The following TMEM65 variants were observed in gnomAD, a reference collection of about 807,000 sequenced individuals.
The protein encoded by TMEM65 is transmembrane protein 65.
TMEM65 carries 22 observed loss-of-function variants against 25.4 expected under a neutral mutation model. That is an observed-to-expected ratio of 0.86 (90% confidence interval 0.62 to 1.23). The LOEUF (loss-of-function observed/expected upper bound fraction) is 1.23. Ranked by LOEUF, TMEM65 falls within the 50% of genes most tolerant of loss-of-function variation. TMEM65 has a pLI of 0.00. For synonymous variants in TMEM65, 132 were observed against 126.2 expected, an observed-to-expected ratio of 1.05 and a Z score of -0.31; for missense variants, 262 against 308.2, an observed-to-expected ratio of 0.85 and a Z score of 1.12.
chr8:124,323,296 A>G lies in TMEM65; in HGVS notation c.472+25T>C, dbSNP rs754405693. 3.1e-6 allele frequency: 4 copies of G among 1,296,390 alleles called. No homozygotes were observed. In the South Asian group the frequency reaches 5.3e-5, roughly 17 times the overall value. The allele number at this position is 1,296,390 out of a possible 1,614,324, so 80.3% of individuals were successfully genotyped here. ...ATGTTTTATAAGTGTACAATGAAAT[A>G]ATAACATTTACTACTGTTAAATACC... is the stretch of plus-strand genomic sequence containing the variant. On this transcript the variant is annotated intron_variant, in intron 4 of 6. Coordinates refer to ENST00000297632, the MANE Select transcript of TMEM65 (RefSeq NM_194291.3).
intron 1 of TMEM65, among the ~76,000 whole-genome samples, chr8:124,331,602 A>C (rs1365885156): frequency 1.3e-5 from 2 of 151,704 alleles, no homozygotes; most frequent in Non-Finnish European, 3.0e-5. Flanking sequence ...CAATTATTAC[A>C]GGCAGCAGCC....
chr8:124,346,326 G>A (rs1034399033), intron 1 of TMEM65, among the ~76,000 whole-genome samples: 160 of 152,276 alleles, frequency 1.1e-3, no homozygotes, highest in African/African-American at 3.7e-3. Flanking sequence ...TGAGATTTGA[G>A]TGGGGACACA....
chr8:124,363,785 C>T (rs866745513), intron 1 of TMEM65, among the ~76,000 whole-genome samples: 1 of 131,502 alleles, frequency 7.6e-6, no homozygotes, highest in Non-Finnish European at 1.6e-5. Context: ...TGCAGTGAGC[C>T]GAGATCCCGC....
chr8:124,331,995 C>T (rs1814438239), intron 1 of TMEM65, among the ~76,000 whole-genome samples: 1 of 151,844 alleles, frequency 6.6e-6, no homozygotes. Flanking sequence ...GTTTAATTAA[C>T]TTTCATAGTA....
intron 1 of TMEM65, among the ~76,000 whole-genome samples, chr8:124,337,168 A>T (rs1378211564): frequency 6.6e-6 from 1 of 151,728 alleles, no homozygotes; most frequent in African/African-American, 2.4e-5. Flanking sequence ...CCCCTTCCAA[A>T]CCTAGATGGT....
In TMEM65 at chr8:124,359,605, G is replaced by C. The variant is rs374988210; in HGVS notation, c.304+12249C>G. On this transcript the variant is annotated intron_variant, in intron 1 of 6. Transcript: ENST00000297632. ...AAAAATATAAAAATTAGCTAGGCAT[G>C]GTAGTACACGCCTGTGATCCCAGCT... Among the ~76,000 whole-genome samples the C allele has an allele frequency of 5.9e-5, 9 of 152,070 alleles. No individual in the cohort carries two copies. The East Asian group carries it at 7.7e-4, about 13-fold the overall frequency.
At chr8:124,324,870 T>C (rs927336947) in intron 3 of TMEM65, among the ~76,000 whole-genome samples, 2 of 152,056 alleles carry the variant, frequency 1.3e-5, no homozygotes, top group African/African-American at 4.8e-5. Flanking sequence ...CGAATACTAA[T>C]AGTTGTCTTA....
intron 1 of TMEM65, among the ~76,000 whole-genome samples, chr8:124,359,797 T>A (rs989327063): frequency 1.3e-5 from 2 of 152,012 alleles, no homozygotes; most frequent in Non-Finnish European, 2.9e-5. Flanking sequence ...AACAACTAAT[T>A]GATAACGAAA....
chr8:124,362,624 T>G, intron 1 of TMEM65, among the ~76,000 whole-genome samples: 2 of 134,052 alleles, frequency 1.5e-5, no homozygotes. Flanking sequence ...ATCATGCTAT[T>G]GCACTCCAGC....
chr8:124,318,627 C>T (rs774643452), intron 6 of TMEM65, among the ~76,000 whole-genome samples: 1 of 152,006 alleles, frequency 6.6e-6, no homozygotes. Flanking sequence ...CCACCCGCCT[C>T]GGCCTCCCAA....
chr8:124,332,930 C>T (rs1814453013), intron 1 of TMEM65, among the ~76,000 whole-genome samples: 1 of 151,946 alleles, frequency 6.6e-6, no homozygotes, highest in South Asian at 2.1e-4. Flanking sequence ...TTCAGCCTCC[C>T]GAGTAGCTGG....
At chr8:124,370,249 C>A (rs1814994865) in intron 1 of TMEM65, among the ~76,000 whole-genome samples, 1 of 152,082 alleles carries the variant, frequency 6.6e-6, no homozygotes, top group Non-Finnish European at 1.5e-5. Flanking sequence ...TCAAGAACTG[C>A]CACAAAACTA....
At position 124,339,222 on chromosome 8, in the gene TMEM65, AAT is replaced by A. The variant is rs1209068044; in HGVS notation, c.305-8432_305-8431del. Among the ~76,000 whole-genome samples, 129 of 19,894 alleles carry A rather than the reference AAT, an allele frequency of 6.5e-3. 2 individuals are homozygous for A. Among genetic ancestry groups the A allele is most frequent in the Middle Eastern group, 0.067 (2 of 30 alleles). 13.1% of individuals were successfully genotyped at this position (19,894 alleles called of 152,430 possible). A position where few individuals can be genotyped will look rare whatever the true frequency, so the allele number is the denominator to read the frequency against. ...AAAAAAAAAAAAAAAAAAAAAAAAA[AAT>A]ATATATATATATATATATATATATA... is the stretch of plus-strand genomic sequence containing the variant. On this transcript the variant is annotated intron_variant, in intron 1 of 6. Coordinates refer to ENST00000297632, the MANE Select transcript of TMEM65 (RefSeq NM_194291.3).
At chr8:124,335,222 A>T (rs1814490804) in intron 1 of TMEM65, among the ~76,000 whole-genome samples, 1 of 152,212 alleles carries the variant, frequency 6.6e-6, no homozygotes, top group Non-Finnish European at 1.5e-5. Context: ...CAGTATGCAG[A>T]AAGAAAATGG....
chr8:124,346,476 A>G (rs901502663), intron 1 of TMEM65, among the ~76,000 whole-genome samples: 1 of 152,178 alleles, frequency 6.6e-6, no homozygotes, highest in Non-Finnish European at 1.5e-5. Context: ...TTAACGTGAT[A>G]TTTCAGCCTA....
At position 124,309,608 on chromosome 8, in the gene TMEM65, T is replaced by G. The variant is rs1295233152; in HGVS notation, c.*4352A>C. 1 of 152,240 alleles carries G rather than the reference T, an allele frequency of 6.6e-6. No homozygotes were observed. Among genetic ancestry groups the G allele is most frequent in the African/African-American group, 2.4e-5 (1 of 41,466 alleles). 9.4% of individuals were successfully genotyped at this position (152,240 alleles called of 1,614,324 possible). The stretch of plus-strand genomic sequence containing the variant: ...TAGTACCTAGCATGATACTTTCTCT[T>G]CACAGAATATCTGTACTGTTTGTAC... On this transcript the variant is annotated 3_prime_UTR_variant, in exon 7 of 7. Coordinates refer to ENST00000297632, the MANE Select transcript of TMEM65 (RefSeq NM_194291.3).
At position 124,308,035 on chromosome 8, in the gene TMEM65, T is replaced by G. The variant is rs941585935; in HGVS notation, c.*5925A>C. Reference sequence around the variant, plus strand: ...CTATAAAGCTGTTAACTCCCAAGTCTTGAAGGGAAAAGATAAACACCAGCT... The same window carrying G: ...CTATAAAGCTGTTAACTCCCAAGTCGTGAAGGGAAAAGATAAACACCAGCT... On this transcript the variant is annotated 3_prime_UTR_variant, in exon 7 of 7. Transcript: ENST00000297632. The G allele has an allele frequency of 2.6e-5, 4 of 152,256 alleles. No individual in the cohort carries two copies. The highest frequency in any genetic ancestry group is 9.6e-5 in the African/African-American group (4 of 41,542). The allele number at this position is 152,256 out of a possible 1,614,324, so 9.4% of individuals were successfully genotyped here.
At chr8:124,327,240 T>A (rs1194601154) in intron 3 of TMEM65, 114 bp downstream of exon 3, 10 of 694,248 alleles carry the variant, frequency 1.4e-5, no homozygotes, top group Non-Finnish European at 2.2e-5. Flanking sequence ...GTAAAAAATA[T>A]CCTTGTTCAT....
intron 3 of TMEM65, among the ~76,000 whole-genome samples, chr8:124,323,604 A>C (rs1039864018): frequency 2.0e-5 from 3 of 152,108 alleles, no homozygotes; most frequent in African/African-American, 4.8e-5. Context: ...GGCTTCTAAA[A>C]ATAAAATTAG....
Sources: gnomAD v4.1 joint callset for allele counts (sites outside exome capture counted in the v4.1 genomes callset) on GRCh38, gnomAD v4.1.1 for gene constraint, MANE v1.5 for transcripts, NCBI Gene and HGNC (gene_info 2026-07-23, HGNC 2026-07-21) for gene names.